FER: variants seen among roughly 807,000 people sequenced by gnomAD.
FER encodes the protein tyrosine-protein kinase Fer.
Under a neutral mutation model 111.0 loss-of-function variants are expected in FER, and 63 were observed. The observed-to-expected ratio is 0.57, with a 90% CI of 0.46 to 0.70. FER has a LOEUF of 0.70. FER is among the 30% of genes least tolerant of loss of function. The pLI, the probability that FER is intolerant of heterozygous loss-of-function variation, is 0.00. For synonymous variants in FER, 327 were observed against 313.9 expected, an observed-to-expected ratio of 1.04 and a Z score of -0.44; for missense variants, 914 against 954.0, an observed-to-expected ratio of 0.96 and a Z score of 0.55.
intron 16 of FER, among the ~76,000 whole-genome samples, chr5:109,087,412 C>A (rs1276593747): frequency 2.0e-5 from 3 of 151,788 alleles, no homozygotes; most frequent in African/African-American, 7.2e-5. Flanking sequence ...ATACTAAAAT[C>A]TTCTAAATCT....
chr5:108,776,904 G>C (rs1003150191), intron 2 of FER, among the ~76,000 whole-genome samples: 4 of 152,150 alleles, frequency 2.6e-5, no homozygotes, highest in African/African-American at 9.7e-5. Flanking sequence ...CTTTTTAAAA[G>C]TAGATACTGT....
intron 10 of FER, among the ~76,000 whole-genome samples, chr5:108,912,306 A>C (rs1561603963): frequency 6.6e-6 from 1 of 152,120 alleles, no homozygotes; most frequent in Non-Finnish European, 1.5e-5. Context: ...TTAAACAACA[A>C]ATTTCTTTAA....
At chr5:109,132,939 T>C (rs569016213) in intron 17 of FER, among the ~76,000 whole-genome samples, 4 of 152,224 alleles carry the variant, frequency 2.6e-5, no homozygotes, top group Middle Eastern at 6.8e-3. Flanking sequence ...TGTGGGCAGA[T>C]AGAAAGGGTG....
rs575497523 is a variant in FER at position 108,933,272 on chromosome 5, A to G, written c.1237-12858A>G. ...ATCTATCTTGAGTTAATTTTTTAATAAGGTGTGAGGAAGGGGTCCAGTTTT... is the reference window on the plus strand; with the variant it reads ...ATCTATCTTGAGTTAATTTTTTAATGAGGTGTGAGGAAGGGGTCCAGTTTT... On this transcript the variant is annotated intron_variant, in intron 10 of 19. Coordinates refer to ENST00000281092, the MANE Select transcript of FER (RefSeq NM_005246.4). 4.6e-5 allele frequency among the ~76,000 whole-genome samples: 7 copies of G among 152,310 alleles called. No homozygotes were observed. In the South Asian group the frequency reaches 1.4e-3, roughly 32 times the overall value.
chr5:109,173,334 C>T (rs757330480), intron 17 of FER, among the ~76,000 whole-genome samples: 1 of 152,190 alleles, frequency 6.6e-6, no homozygotes, highest in Non-Finnish European at 1.5e-5. Context: ...AAGGGAATCA[C>T]CACAGGCCTC....
chr5:108,893,896 G>T (rs901101299), intron 9 of FER, among the ~76,000 whole-genome samples: 14 of 151,966 alleles, frequency 9.2e-5, no homozygotes, highest in Admixed American at 1.3e-4. Flanking sequence ...AACTGGTAGG[G>T]GGCTGTATTA....
At chr5:108,838,081 T>C (rs932752883) in intron 5 of FER, among the ~76,000 whole-genome samples, 24 of 152,180 alleles carry the variant, frequency 1.6e-4, no homozygotes, top group African/African-American at 5.5e-4. Flanking sequence ...GTGTTTATAC[T>C]CATATTTAAA....
chr5:109,093,192 A>G (rs1747045894), intron 16 of FER, among the ~76,000 whole-genome samples: 1 of 152,190 alleles, frequency 6.6e-6, no homozygotes, highest in African/African-American at 2.4e-5. Context: ...ACAATATGTA[A>G]TATGTTAAGA....
chr5:109,194,947 G>A lies in FER; in HGVS notation c.*7372G>A, dbSNP rs1019505877. On this transcript the variant is annotated 3_prime_UTR_variant, in exon 20 of 20. Transcript: ENST00000281092. ...TTCAGACCTCTAACCTGGATTCAGAGCCTTAGAGGCCGAGAGGGAATCTGG... is the reference window on the plus strand; with the variant it reads ...TTCAGACCTCTAACCTGGATTCAGAACCTTAGAGGCCGAGAGGGAATCTGG... 1 of 152,184 alleles carries A rather than the reference G, an allele frequency of 6.6e-6. No homozygotes were observed. The highest frequency in any genetic ancestry group is 2.4e-5 in the African/African-American group (1 of 41,438). 9.4% of individuals were successfully genotyped at this position (152,184 alleles called of 1,614,324 possible).
chr5:108,884,612 G>C (rs914932358), intron 9 of FER, among the ~76,000 whole-genome samples: 9 of 151,048 alleles, frequency 6.0e-5, no homozygotes, highest in Non-Finnish European at 1.3e-4. Context: ...TTCCCAACTG[G>C]GTCCTTGTGC....
chr5:108,802,457 C>T (rs1348769731), intron 3 of FER, among the ~76,000 whole-genome samples: 1 of 152,070 alleles, frequency 6.6e-6, no homozygotes, highest in African/African-American at 2.4e-5. Context: ...GACCCCATTA[C>T]CAAAGTCGTA....
At chr5:109,146,261 T>TATATTATCTATCTA (rs1754158002) in intron 17 of FER, among the ~76,000 whole-genome samples, 2 of 88,694 alleles carry the variant, frequency 2.3e-5, no homozygotes, top group South Asian at 3.4e-4. Flanking sequence ...CTAATATATA[T>TATATTATCTATCTA]ATATATATAT....
intron 2 of FER, among the ~76,000 whole-genome samples, chr5:108,793,953 C>T (rs1755695135): frequency 6.6e-6 from 1 of 152,080 alleles, no homozygotes; most frequent in African/African-American, 2.4e-5. Flanking sequence ...CGCTTTTTAA[C>T]TTATTGTTTC....
At chr5:109,131,888 A>G (rs1388550966) in intron 17 of FER, among the ~76,000 whole-genome samples, 2 of 152,162 alleles carry the variant, frequency 1.3e-5, no homozygotes, top group Non-Finnish European at 2.9e-5. Context: ...GTAGCCAGAC[A>G]TGTAAATTAA....
chr5:108,854,974 C>CTT (rs1762861799), intron 5 of FER, among the ~76,000 whole-genome samples: 1 of 115,574 alleles, frequency 8.7e-6, no homozygotes, highest in Non-Finnish European at 1.9e-5. Context: ...AAAAAAAAAG[C>CTT]GTAGAGGATT....
intron 5 of FER, among the ~76,000 whole-genome samples, chr5:108,858,129 T>A (rs368683677): frequency 1.3e-5 from 2 of 152,196 alleles, no homozygotes; most frequent in East Asian, 3.8e-4. Context: ...TATCTATTGG[T>A]CTGTCTAGGG....
chr5:108,949,905 G>C (rs1284083142), intron 11 of FER, among the ~76,000 whole-genome samples: 3 of 152,020 alleles, frequency 2.0e-5, no homozygotes. Context: ...TGATGAGAGA[G>C]GATGAGTGAG....
At chr5:109,068,086 A>G (rs1207000737) in intron 16 of FER, among the ~76,000 whole-genome samples, 2 of 151,816 alleles carry the variant, frequency 1.3e-5, no homozygotes. Flanking sequence ...ATTCCAGAAT[A>G]CTCGATTATG....
intron 13 of FER, among the ~76,000 whole-genome samples, chr5:109,032,215 T>G (rs11949619): frequency 0.11 from 16,873 of 152,044 alleles, 1,035 homozygotes; most frequent in Non-Finnish European, 0.14. Flanking sequence ...AGTAGAAAAA[T>G]AAACTCTTTA....
Sources: gnomAD v4.1 joint callset for allele counts (sites outside exome capture counted in the v4.1 genomes callset) on GRCh38, gnomAD v4.1.1 for gene constraint, MANE v1.5 for transcripts, NCBI Gene and HGNC (gene_info 2026-07-23, HGNC 2026-07-21) for gene names.